NTRK3: variants seen among roughly 807,000 people sequenced by gnomAD.
The protein encoded by NTRK3 is neurotrophic receptor tyrosine kinase 3.
A neutral mutation model predicts 91.7 loss-of-function variants in NTRK3; 24 were observed. The ratio of observed to expected loss-of-function variants is 0.26; its 90% CI spans 0.19 to 0.37. The LOEUF (loss-of-function observed/expected upper bound fraction) is 0.37. Ranked by LOEUF, NTRK3 falls within the 10% of genes least tolerant of loss-of-function variation. The pLI is 1.00. For missense variants in NTRK3, 880 were observed against 1,068.9 expected, an observed-to-expected ratio of 0.82 and a Z score of 2.46; for synonymous variants, 483 against 404.0, an observed-to-expected ratio of 1.20 and a Z score of -2.34.
chr15:88,113,690 C>T lies in NTRK3; in HGVS notation c.1396+12581G>A, dbSNP rs554655285. Among the ~76,000 whole-genome samples the T allele has an allele frequency of 4.9e-4, 75 of 152,156 alleles. 1 individual carries two copies. The highest frequency in any genetic ancestry group is 1.8e-3 in the African/African-American group (73 of 41,520). On this transcript the variant is annotated intron_variant, in intron 13 of 18. Transcript: ENST00000394480. Reference sequence around the variant, plus strand: ...CCTGCAGGCCAAATCTGGCCTGGCACCTGTTTTTTATAAATAAAGTTTTAT... The same window carrying T: ...CCTGCAGGCCAAATCTGGCCTGGCATCTGTTTTTTATAAATAAAGTTTTAT...
chr15:87,868,923 C>G (rs1423307429), exon 19 of NTRK3: 1 of 226,490 alleles, frequency 4.4e-6, no homozygotes, highest in Non-Finnish European at 8.8e-6. Context: ...TCTGTCCGGC[C>G]TAGACGCAGT....
At chr15:88,080,808 A>T (rs1013292824) in intron 13 of NTRK3, among the ~76,000 whole-genome samples, 2 of 152,266 alleles carry the variant, frequency 1.3e-5, no homozygotes, top group Non-Finnish European at 2.9e-5. Context: ...GGAAGCAAGC[A>T]TGGTGCCAAT....
At chr15:88,099,709 AG>A (rs1189395470) in intron 13 of NTRK3, among the ~76,000 whole-genome samples, 1 of 152,198 alleles carries the variant, frequency 6.6e-6, no homozygotes, top group African/African-American at 2.4e-5. Context: ...TGCATCCAAA[AG>A]CAGGGGTGGG....
intron 14 of NTRK3, among the ~76,000 whole-genome samples, chr15:87,995,779 G>A (rs1244080482): frequency 6.6e-6 from 1 of 152,186 alleles, no homozygotes; most frequent in Non-Finnish European, 1.5e-5. Flanking sequence ...GGTCTCTGTT[G>A]CAGCTACTCA....
intron 14 of NTRK3, among the ~76,000 whole-genome samples, chr15:87,980,163 C>T (rs188463286): frequency 6.6e-6 from 1 of 152,286 alleles, no homozygotes; most frequent in Admixed American, 6.5e-5. Flanking sequence ...CCACGTGCTG[C>T]CTCGAGCAAG....
intron 14 of NTRK3, among the ~76,000 whole-genome samples, chr15:87,950,728 C>T (rs963154525): frequency 3.9e-5 from 6 of 152,150 alleles, no homozygotes; most frequent in Non-Finnish European, 8.8e-5. Flanking sequence ...ACATTTGGAG[C>T]GTGTCGAAGG....
chr15:88,027,307 A>AAC (rs1174522229), intron 14 of NTRK3, among the ~76,000 whole-genome samples: 4 of 152,148 alleles, frequency 2.6e-5, no homozygotes, highest in Non-Finnish European at 4.4e-5. Flanking sequence ...AAAAACATAA[A>AAC]ACACCAGCCC....
intron 17 of NTRK3, chr15:87,908,611 AG>A (rs2066910090): frequency 5.0e-6 from 2 of 399,370 alleles, no homozygotes; most frequent in Admixed American, 4.4e-5. Context: ...AGAGAAGAAA[AG>A]GGATGAAGGG....
At chr15:87,860,726 T>C (rs1596023916) in exon 19 of NTRK3, 2 of 210,064 alleles carry the variant, frequency 9.5e-6, no homozygotes, top group Non-Finnish European at 1.9e-5. Context: ...CAGTCACTTA[T>C]GTTAAGTTAT....
chr15:87,874,852 G>A (rs2064908123), exon 19 of NTRK3: 1 of 231,442 alleles, frequency 4.3e-6, no homozygotes, highest in African/African-American at 2.2e-5. Flanking sequence ...AGTTCCTTGA[G>A]GTGGTCAATC....
In NTRK3 at chr15:88,096,393, G is replaced by A. The variant is rs1231610600; in HGVS notation, c.1396+29878C>T. On this transcript the variant is annotated intron_variant, in intron 13 of 18. Transcript: ENST00000394480. ...GATGACTATCAACCAAGGATGACCT[G>A]GTTGGGAAAAGCCCCACTGGAGAAG... Among the ~76,000 whole-genome samples the A allele has an allele frequency of 3.9e-5, 6 of 152,228 alleles. No individual in the cohort carries two copies. The South Asian group carries it at 1.2e-3, about 32-fold the overall frequency.
At chr15:87,892,702 T>C (rs1047782221) in intron 17 of NTRK3, among the ~76,000 whole-genome samples, 13 of 152,196 alleles carry the variant, frequency 8.5e-5, no homozygotes, top group African/African-American at 2.4e-4. Context: ...TAGAAATGTA[T>C]GATCATTGGC....
exon 19 of NTRK3, chr15:87,871,674 T>A: frequency 4.4e-6 from 1 of 228,912 alleles, no homozygotes; most frequent in Non-Finnish European, 8.7e-6. Context: ...TCTTCCTGAA[T>A]GTTTCTGAGG....
intron 14 of NTRK3, among the ~76,000 whole-genome samples, chr15:88,020,442 C>T (rs551081058): frequency 2.3e-4 from 35 of 152,146 alleles, no homozygotes; most frequent in African/African-American, 4.6e-4. Flanking sequence ...GGAAAGAAGT[C>T]GCTGGAGGGG....
At chr15:88,254,216 C>T (rs1178371362) in intron 3 of NTRK3, among the ~76,000 whole-genome samples, 1 of 152,180 alleles carries the variant, frequency 6.6e-6, no homozygotes, top group Non-Finnish European at 1.5e-5. Context: ...CCCCTACACA[C>T]ATACACATAC....
rs183864070 is a variant in NTRK3 at position 87,954,543 on chromosome 15, T to G, written c.1586-13790A>C. Among the ~76,000 whole-genome samples the G allele has an allele frequency of 2.2e-4, 33 of 152,348 alleles. 1 individual carries two copies. In the East Asian group the frequency reaches 6.2e-3, roughly 29 times the overall value. ...GGCAGAATGAGTTAGGAAATCCAAG[T>G]TATAAAATCAGGAAGGAATTAAATA... On this transcript the variant is annotated intron_variant, in intron 14 of 18. Transcript: ENST00000394480.
intron 13 of NTRK3, among the ~76,000 whole-genome samples, chr15:88,090,091 C>CAG: frequency 6.6e-6 from 1 of 152,164 alleles, no homozygotes; most frequent in Non-Finnish European, 1.5e-5. Context: ...GAAGCCCTCC[C>CAG]CTCTCTGCTC....
intron 14 of NTRK3, chr15:87,979,404 G>C: frequency 6.2e-7 from 1 of 1,614,002 alleles, no homozygotes; most frequent in Non-Finnish European, 8.5e-7. Flanking sequence ...TAGATGCCAT[G>C]GTTAAGAGGC....
chr15:87,920,386 C>T (rs1371207670), intron 17 of NTRK3, among the ~76,000 whole-genome samples: 1 of 152,198 alleles, frequency 6.6e-6, no homozygotes, highest in African/African-American at 2.4e-5. Context: ...ACAGCAGATG[C>T]TCAGGTAACT....
Sources: gnomAD v4.1 joint callset for allele counts (sites outside exome capture counted in the v4.1 genomes callset) on GRCh38, gnomAD v4.1.1 for gene constraint, MANE v1.5 for transcripts, NCBI Gene and HGNC (gene_info 2026-07-23, HGNC 2026-07-21) for gene names.